LMBR1: variants seen among roughly 807,000 people sequenced by gnomAD.
LMBR1 encodes the protein limb development membrane protein 1.
In LMBR1, 52 loss-of-function variants were observed where a neutral mutation model predicts 73.9. The ratio of observed to expected loss-of-function variants is 0.70; its 90% CI spans 0.56 to 0.89. The LOEUF is 0.89. LMBR1 is among the 40% of genes least tolerant of loss of function. The probability of loss-of-function intolerance (pLI) is 0.00; values close to 1 mark genes in which losing one functional copy is unlikely to be tolerated. For synonymous variants in LMBR1, 215 were observed against 209.4 expected (o/e 1.03, Z -0.23); for missense variants, 539 against 579.8 (o/e 0.93, Z 0.72).
chr7:156,892,720 G>A, intron 1 of LMBR1: 1 of 380,144 alleles, frequency 2.6e-6, no homozygotes, highest in Admixed American at 4.9e-5. Context: ...CAGAGGAAGC[G>A]AAGGGGAGGG....
Position 156,751,782 on chromosome 7 carries a change from G to A in LMBR1, c.757+4611C>T, listed in dbSNP as rs371615775. On this transcript the variant is annotated intron_variant, in intron 9 of 16. Transcript: ENST00000353442. ...GGAAGAATGATTTGTCACCTGTAGA[G>A]AAGGGCCGATGGCAAAAGCAGCAAA... Among the ~76,000 whole-genome samples, 11 of 152,214 alleles carry A rather than the reference G, an allele frequency of 7.2e-5. No individual in the cohort carries two copies. In the East Asian group the frequency reaches 1.3e-3, roughly 19 times the overall value.
intron 16 of LMBR1, among the ~76,000 whole-genome samples, chr7:156,687,796 A>G (rs1806289201): frequency 6.6e-6 from 1 of 152,206 alleles, no homozygotes; most frequent in African/African-American, 2.4e-5. Flanking sequence ...ATCTTACAGA[A>G]TTATTTCCGT....
At chr7:156,891,809 A>G (rs891051850) in intron 1 of LMBR1, among the ~76,000 whole-genome samples, 3 of 152,210 alleles carry the variant, frequency 2.0e-5, no homozygotes, top group Admixed American at 2.0e-4. Flanking sequence ...ATGTGTACCA[A>G]ATTCCACTAA....
downstream of LMBR1, chr7:156,675,973 T>C: frequency 8.8e-7 from 1 of 1,141,116 alleles, no homozygotes; most frequent in Non-Finnish European, 1.3e-6. Flanking sequence ...AGCCTAGGAG[T>C]GTCAGGCCCG....
intron 16 of LMBR1, 68 bp downstream of exon 16, chr7:156,687,962 A>T: frequency 7.4e-7 from 1 of 1,354,326 alleles, no homozygotes; most frequent in Non-Finnish European, 1.0e-6. Context: ...CTGAAGATGT[A>T]ATATTAACTC....
chr7:156,712,258 A>G (rs932375892), intron 15 of LMBR1, among the ~76,000 whole-genome samples: 2 of 152,236 alleles, frequency 1.3e-5, no homozygotes, highest in Admixed American at 6.5e-5. Flanking sequence ...AGCATATGAA[A>G]AAATGCTCCA....
At chr7:156,806,377 CA>C (rs377134770) in intron 4 of LMBR1, among the ~76,000 whole-genome samples, 34 of 152,194 alleles carry the variant, frequency 2.2e-4, no homozygotes, top group African/African-American at 7.2e-4. Context: ...TTTTTTATAA[CA>C]GATCCCATCA....
intron 3 of LMBR1, among the ~76,000 whole-genome samples, chr7:156,833,079 G>A (rs947230793): frequency 6.6e-6 from 1 of 152,204 alleles, no homozygotes; most frequent in Admixed American, 6.5e-5. Context: ...AGGAAATGAA[G>A]CATCAGATGA....
At position 156,861,756 on chromosome 7, in the gene LMBR1, C is replaced by A. The variant is rs185297963; in HGVS notation, c.67-24871G>T. Among the ~76,000 whole-genome samples the A allele has an allele frequency of 3.7e-4, 56 of 152,308 alleles. No individual in the cohort carries two copies. In the East Asian group the frequency reaches 4.6e-3, roughly 13 times the overall value. ...CTCTCAAGTTCAAAGTTCAACAAAT[C>A]TTTAGGGTGGGGCAAAATGTCACCA... On this transcript the variant is annotated intron_variant, in intron 1 of 16. Coordinates refer to ENST00000353442, the MANE Select transcript of LMBR1 (RefSeq NM_022458.4).
At chr7:156,722,308 T>C (rs551471560) in intron 15 of LMBR1, among the ~76,000 whole-genome samples, 7 of 152,242 alleles carry the variant, frequency 4.6e-5, no homozygotes, top group African/African-American at 1.2e-4. Flanking sequence ...TCTAGTCTTA[T>C]AAGCTTTTCA....
intron 1 of LMBR1, among the ~76,000 whole-genome samples, chr7:156,877,596 C>G (rs1379575866): frequency 1.3e-5 from 2 of 152,134 alleles, no homozygotes; most frequent in African/African-American, 4.8e-5. Flanking sequence ...TTAACATACG[C>G]AAGTCGGCCG....
intron 5 of LMBR1, among the ~76,000 whole-genome samples, chr7:156,764,332 A>G (rs914825278): frequency 6.6e-6 from 1 of 152,238 alleles, no homozygotes; most frequent in African/African-American, 2.4e-5. Context: ...TATCAGTTCT[A>G]TATGATGCTT....
chr7:156,830,029 A>G (rs1432211129), intron 3 of LMBR1, among the ~76,000 whole-genome samples: 2 of 152,224 alleles, frequency 1.3e-5, no homozygotes, highest in African/African-American at 4.8e-5. Flanking sequence ...CTCCTCACCT[A>G]GAGTGAAACA....
intron 1 of LMBR1, among the ~76,000 whole-genome samples, chr7:156,837,904 A>G (rs1183185858): frequency 6.6e-6 from 1 of 150,678 alleles, no homozygotes; most frequent in African/African-American, 2.4e-5. Context: ...CTCCCATCTC[A>G]GCCTGCCGAG....
intron 1 of LMBR1, among the ~76,000 whole-genome samples, chr7:156,859,248 CAAA>C (rs35511512): frequency 3.0e-5 from 4 of 134,146 alleles, no homozygotes; most frequent in Non-Finnish European, 6.5e-5. Flanking sequence ...AACTCCGTCT[CAAA>C]AAAAAAAAAA....
intron 15 of LMBR1, among the ~76,000 whole-genome samples, chr7:156,703,654 C>G (rs760392412): frequency 1.3e-5 from 2 of 152,126 alleles, no homozygotes; most frequent in Non-Finnish European, 2.9e-5. Flanking sequence ...GGTGGCCACC[C>G]CTCACCCAAG....
intron 8 of LMBR1, among the ~76,000 whole-genome samples, chr7:156,758,493 AG>A (rs1822336547): frequency 6.6e-6 from 1 of 152,170 alleles, no homozygotes; most frequent in Admixed American, 6.5e-5. Flanking sequence ...CCCTGTAGGA[AG>A]TATTTGGGTC....
chr7:156,723,374 G>A (rs1360334926), intron 15 of LMBR1, among the ~76,000 whole-genome samples: 2 of 152,010 alleles, frequency 1.3e-5, no homozygotes, highest in Non-Finnish European at 1.5e-5. Context: ...CCAATCATTC[G>A]TGTGCACTCT....
intron 1 of LMBR1, among the ~76,000 whole-genome samples, chr7:156,841,417 G>C (rs76299282): frequency 6.6e-6 from 1 of 152,076 alleles, no homozygotes; most frequent in African/African-American, 2.4e-5. Flanking sequence ...GAGACTAGAC[G>C]AGATTTCCAT....
Sources: gnomAD v4.1 joint callset for allele counts (sites outside exome capture counted in the v4.1 genomes callset) on GRCh38, gnomAD v4.1.1 for gene constraint, MANE v1.5 for transcripts, NCBI Gene and HGNC (gene_info 2026-07-23, HGNC 2026-07-21) for gene names.